AGO1: variants seen among roughly 807,000 people sequenced by gnomAD.
AGO1 encodes protein argonaute-1.
Under a neutral mutation model 109.2 loss-of-function variants are expected in AGO1, and 11 were observed. The ratio of observed to expected loss-of-function variants is 0.10; its 90% confidence interval spans 0.06 to 0.17. AGO1 has a LOEUF of 0.17. AGO1 is among the 10% of genes least tolerant of loss of function. AGO1 has a pLI of 1.00. For missense variants in AGO1, 574 were observed against 1,140.3 expected, an observed-to-expected ratio of 0.50 and a Z score of 7.15; for synonymous variants, 422 against 418.6, an observed-to-expected ratio of 1.01 and a Z score of -0.10.
chr1:35,894,284 T>G lies in AGO1; in HGVS notation c.785-31T>G, dbSNP rs1452732760. ...AGCCTGGGCACATGAGCAACCTATT[T>G]TAGCCCTGACAAGCAGTGTGTGTAT... On this transcript the variant is annotated intron_variant, in intron 6 of 18. Transcript: ENST00000373204. 1.9e-6 allele frequency: 3 copies of G among 1,613,088 alleles called. No homozygotes were observed. In the African/African-American group the frequency reaches 4.0e-5, roughly 22 times the overall value.
At chr1:35,909,313 G>C (rs750770431) in intron 12 of AGO1, among the ~76,000 whole-genome samples, 1 of 152,220 alleles carries the variant, frequency 6.6e-6, no homozygotes, top group Non-Finnish European at 1.5e-5. Flanking sequence ...TTGTTGAAGA[G>C]AGCTGAATTT....
Position 35,883,672 on chromosome 1 carries a change from G to A in AGO1, c.25+226G>A, listed in dbSNP as rs1645069535. The stretch of plus-strand genomic sequence containing the variant: ...CAAGGAGGCTGTATACAGTCCTGCG[G>A]GTTGGAAGTAATCTGGGAGAAGGGC... On this transcript the variant is annotated intron_variant, in intron 1 of 18. Coordinates refer to ENST00000373204, the MANE Select transcript of AGO1 (RefSeq NM_012199.5). This position sits in a 1 kb window ranked among gnomAD's most constrained non-coding sequence, Gnocchi z 5.4. 6.6e-6 allele frequency among the ~76,000 whole-genome samples: 1 copy of A among 152,218 alleles called. No individual in the cohort carries two copies. The highest frequency in any genetic ancestry group is 2.1e-4 in the South Asian group (1 of 4,832).
chr1:35,909,502 C>T (rs1244034191), intron 12 of AGO1, among the ~76,000 whole-genome samples: 2 of 152,222 alleles, frequency 1.3e-5, no homozygotes, highest in African/African-American at 4.8e-5. Flanking sequence ...CATCATTTGC[C>T]TTTGCCCGGA....
Position 35,893,223 on chromosome 1 carries a change from C to G in AGO1, c.457C>G (p.Pro153Ala), listed in dbSNP as rs1645253604. ...EALVSGQIPV[P>A]LESVQALDVA... ...CCTGGTCAGCGGCCAGATCCCTGTT[C>G]CCTTGGAGTCTGTGCAAGCCCTGGA... Residue 153 changes from proline (P) to alanine (A), a missense_variant, in exon 4 of 19, where the codon CCC becomes GCC. Physicochemically the swap from Pro to Ala is conservative, Grantham distance 27 (BLOSUM62 -1). This residue lies in a region of AGO1 where 129 missense variants were observed against 243.0 expected (regional missense o/e 0.53). Coordinates refer to ENST00000373204, the MANE Select transcript of AGO1 (RefSeq NM_012199.5). The surrounding 1 kb of genome is among the most constrained non-coding windows in gnomAD (Gnocchi z 5.6). 1.2e-6 allele frequency: 2 copies of G among 1,614,088 alleles called. No homozygotes were observed. Among genetic ancestry groups the G allele is most frequent in the South Asian group, 1.1e-5 (1 of 91,080 alleles).
chr1:35,922,142 CCTT>C lies in AGO1; in HGVS notation c.*2536_*2538del, dbSNP rs1645844611. ...TCCCAGCAACAAGTTTGTGTTCTCT[CCTT>C]TTCTCTCTTTGCCTCACTCTCTCCA... On this transcript the variant is annotated 3_prime_UTR_variant, in exon 19 of 19. Coordinates refer to ENST00000373204, the MANE Select transcript of AGO1 (RefSeq NM_012199.5). The C allele has an allele frequency of 1.3e-5, 2 of 152,696 alleles. No homozygotes were observed. The highest frequency in any genetic ancestry group is 4.8e-5 in the African/African-American group (2 of 41,462). 9.5% of individuals were successfully genotyped at this position (152,696 alleles called of 1,614,324 possible).
chr1:35,906,544 C>T (rs965832640), intron 11 of AGO1, among the ~76,000 whole-genome samples: 3 of 152,136 alleles, frequency 2.0e-5, no homozygotes, highest in Non-Finnish European at 2.9e-5. Context: ...TGCGGTGGCT[C>T]ATGCCTGTAA....
rs1286216662 is a variant in AGO1 at position 35,924,331 on chromosome 1, C to T, written c.*4724C>T. ...TCTTTCTCTTTTTTTTTCCTACCAGCAAAACAAACTTTTGGGACTGATTAC... is the reference window on the plus strand; with the variant it reads ...TCTTTCTCTTTTTTTTTCCTACCAGTAAAACAAACTTTTGGGACTGATTAC... On this transcript the variant is annotated 3_prime_UTR_variant, in exon 19 of 19. Transcript: ENST00000373204. 6.6e-6 allele frequency: 1 copy of T among 152,552 alleles called. No individual in the cohort carries two copies. The highest frequency in any genetic ancestry group is 6.6e-5 in the Admixed American group (1 of 15,248). 9.4% of individuals were successfully genotyped at this position (152,552 alleles called of 1,614,324 possible). A position where few individuals can be genotyped will look rare whatever the true frequency, so the allele number is the denominator to read the frequency against.
At chr1:35,892,724 A>G in intron 3 of AGO1, 47 bp downstream of exon 3, 1 of 1,613,074 alleles carries the variant, frequency 6.2e-7, no homozygotes. Flanking sequence ...TCTGGGGTAG[A>G]ACCAAGCTCA....
At chr1:35,904,967 A>G (rs753771029) in intron 11 of AGO1, among the ~76,000 whole-genome samples, 1 of 152,152 alleles carries the variant, frequency 6.6e-6, no homozygotes, top group Non-Finnish European at 1.5e-5. Flanking sequence ...GGGATGATGG[A>G]TGAGAGAGTT....
At chr1:35,894,236 G>A in intron 6 of AGO1, 65 bp downstream of exon 6, 1 of 1,589,722 alleles carries the variant, frequency 6.3e-7, no homozygotes, top group South Asian at 1.1e-5. Flanking sequence ...AATCCCCTTG[G>A]GGTATGCTCA....
intron 16 of AGO1, 104 bp from the exon 17 acceptor site, chr1:35,918,218 G>T: frequency 2.2e-6 from 2 of 893,316 alleles, no homozygotes; most frequent in Non-Finnish European, 3.8e-6. Flanking sequence ...TAGCAACTTT[G>T]GCTTTGTTCT....
At chr1:35,884,744 G>A (rs1645091830) in intron 1 of AGO1, among the ~76,000 whole-genome samples, 2 of 152,106 alleles carry the variant, frequency 1.3e-5, no homozygotes, top group South Asian at 4.1e-4. Flanking sequence ...AGGAACAGAG[G>A]ATAAACTGAG....
chr1:35,880,446 C>T (rs556881605), upstream of AGO1, among the ~76,000 whole-genome samples: 1 of 152,230 alleles, frequency 6.6e-6, no homozygotes, highest in South Asian at 2.1e-4. Context: ...CCTGTAGTCT[C>T]AGCAACTCGG....
rs1021613795 is a variant in AGO1 at position 35,901,409 on chromosome 1, T to A, written c.1021-65T>A. On this transcript the variant is annotated intron_variant, in intron 8 of 18. Coordinates refer to ENST00000373204, the MANE Select transcript of AGO1 (RefSeq NM_012199.5). The surrounding 1 kb of genome is among the most constrained non-coding windows in gnomAD (Gnocchi z 4.8). ...ACAGCCAAGGTATCTTTCCTTATTG[T>A]GGGGCTCTGGGTACAGGGTGGACTG... The A allele has an allele frequency of 2.5e-5, 40 of 1,597,532 alleles. No individual in the cohort carries two copies. Among genetic ancestry groups the A allele is most frequent in the Non-Finnish European group, 3.2e-5 (38 of 1,170,494 alleles).
intron 1 of AGO1, among the ~76,000 whole-genome samples, chr1:35,875,576 G>T (rs1644986444): frequency 6.6e-6 from 1 of 152,058 alleles, no homozygotes; most frequent in Non-Finnish European, 1.5e-5. Context: ...ATCATGCATG[G>T]TTAATTTGTG....
In AGO1 at chr1:35,928,121, CTTA is replaced by C. The variant is rs1411012960; in HGVS notation, c.*8515_*8517del. The C allele has an allele frequency of 6.6e-6, 1 of 152,252 alleles. No homozygotes were observed. The highest frequency in any genetic ancestry group is 2.4e-5 in the African/African-American group (1 of 41,458). The allele number at this position is 152,252 out of a possible 1,614,324, so 9.4% of individuals were successfully genotyped here. Reference sequence around the variant, plus strand: ...GTGAACTGTGTGTCCCTGAGCCTGACTTACTGGGCAGGGACATGACACTTAAAG... The same window carrying C: ...GTGAACTGTGTGTCCCTGAGCCTGACCTGGGCAGGGACATGACACTTAAAG... On this transcript the variant is annotated 3_prime_UTR_variant, in exon 19 of 19. Coordinates refer to ENST00000373204, the MANE Select transcript of AGO1 (RefSeq NM_012199.5).
chr1:35,899,799 A>C (rs568222009), intron 8 of AGO1, among the ~76,000 whole-genome samples: 1 of 152,302 alleles, frequency 6.6e-6, no homozygotes, highest in South Asian at 2.1e-4. Flanking sequence ...TCCTCATTTC[A>C]TCTCATCTAA....
chr1:35,930,457 G>C lies in AGO1; in HGVS notation c.*10850G>C, dbSNP rs1283671820. On this transcript the variant is annotated 3_prime_UTR_variant, in exon 19 of 19. Coordinates refer to ENST00000373204, the MANE Select transcript of AGO1 (RefSeq NM_012199.5). The stretch of plus-strand genomic sequence containing the variant: ...AGCACAGGCGGGGCCCATTTACGCC[G>C]TGCGTTTTCACCCTGGAAAGGAGTT... 6.6e-6 allele frequency: 1 copy of C among 152,204 alleles called. No homozygotes were observed. 9.4% of individuals were successfully genotyped at this position (152,204 alleles called of 1,614,324 possible). A position where few individuals can be genotyped will look rare whatever the true frequency, so the allele number is the denominator to read the frequency against.
chr1:35,903,526 C>T (rs1645460607), intron 11 of AGO1, among the ~76,000 whole-genome samples: 1 of 152,036 alleles, frequency 6.6e-6, no homozygotes, highest in African/African-American at 2.4e-5. Flanking sequence ...GGAAGTATGC[C>T]ATGACGAATT....
Sources: allele counts gnomAD v4.1 joint callset (sites outside exome capture counted in the v4.1 genomes callset), GRCh38; gene constraint gnomAD v4.1.1; regional missense constraint gnomAD v4.1.1; non-coding constraint Gnocchi (gnomAD v3.1); transcripts MANE v1.5; gene names NCBI Gene and HGNC (gene_info 2026-07-23, HGNC 2026-07-21).